Variants in EXOC4 observed in about 807,000 individuals in gnomAD.
EXOC4 encodes the protein SEC8-like 1.
A neutral mutation model predicts 107.2 loss-of-function variants in EXOC4; 71 were observed. That is an observed-to-expected ratio of 0.66 (90% CI 0.55 to 0.81). EXOC4 has a LOEUF of 0.81. EXOC4 is among the 30% of genes least tolerant of loss of function. The pLI, the probability that EXOC4 is intolerant of heterozygous loss-of-function variation, is 0.00. For missense variants in EXOC4, 1,108 were observed against 1,189.6 expected (o/e 0.93, Z 1.01); for synonymous variants, 456 against 441.2 (o/e 1.03, Z -0.42).
At chr7:133,509,374 G>A (rs1053332902) in intron 9 of EXOC4, among the ~76,000 whole-genome samples, 2 of 150,714 alleles carry the variant, frequency 1.3e-5, no homozygotes, top group African/African-American at 4.9e-5. Flanking sequence ...CTTGCAGTGA[G>A]CCGAGATCAC....
At chr7:133,792,553 C>A (rs1319113127) in intron 10 of EXOC4, among the ~76,000 whole-genome samples, 769 of 73,480 alleles carry the variant, frequency 0.01, no homozygotes, top group South Asian at 0.011. Flanking sequence ...ACCCTGTCTC[C>A]AAAAAAAAAA....
At chr7:133,750,962 C>T (rs1488348539) in intron 10 of EXOC4, among the ~76,000 whole-genome samples, 1 of 152,228 alleles carries the variant, frequency 6.6e-6, no homozygotes, top group African/African-American at 2.4e-5. Flanking sequence ...AATCACACCA[C>T]TTGGACAGAC....
chr7:133,478,601 A>G (rs572722944), intron 8 of EXOC4, among the ~76,000 whole-genome samples: 45 of 152,290 alleles, frequency 3.0e-4, no homozygotes, highest in African/African-American at 1.1e-3. Flanking sequence ...ATTCCTGAGT[A>G]CCAAAAATAC....
intron 7 of EXOC4, among the ~76,000 whole-genome samples, chr7:133,438,548 G>C (rs1289431246): frequency 6.6e-6 from 1 of 152,114 alleles, no homozygotes; most frequent in Non-Finnish European, 1.5e-5. Context: ...CGTCTGGAAT[G>C]CTTGTTAAAA....
At chr7:133,852,262 A>G (rs1585198146) in intron 11 of EXOC4, among the ~76,000 whole-genome samples, 1 of 149,026 alleles carries the variant, frequency 6.7e-6, no homozygotes, top group African/African-American at 2.5e-5. Flanking sequence ...TTGCTCTGTC[A>G]CCCAGGCTGG....
intron 11 of EXOC4, among the ~76,000 whole-genome samples, chr7:133,839,248 G>A (rs1036747776): frequency 1.3e-5 from 2 of 151,842 alleles, no homozygotes; most frequent in Admixed American, 6.6e-5. Context: ...GCCTTTCCCC[G>A]AACTCTGACT....
At chr7:133,960,992 AC>A (rs1274245641) in intron 14 of EXOC4, among the ~76,000 whole-genome samples, 3 of 152,202 alleles carry the variant, frequency 2.0e-5, no homozygotes, top group Non-Finnish European at 4.4e-5. Context: ...CCCAGAACCT[AC>A]AAAAATGTGA....
the EXOC4 span, among the ~76,000 whole-genome samples, chr7:134,092,884 T>C: frequency 6.9e-6 from 1 of 145,010 alleles, no homozygotes; most frequent in Admixed American, 7.0e-5. Flanking sequence ...GATCACGCCA[T>C]TTTACTCCAG....
At chr7:133,543,465 T>C (rs1800420550) in intron 9 of EXOC4, among the ~76,000 whole-genome samples, 1 of 152,118 alleles carries the variant, frequency 6.6e-6, no homozygotes, top group Admixed American at 6.6e-5. Flanking sequence ...CCTGGTCTCT[T>C]AATTCCATTT....
intron 10 of EXOC4, among the ~76,000 whole-genome samples, chr7:133,670,775 G>A (rs1196691500): frequency 6.6e-6 from 1 of 152,178 alleles, no homozygotes; most frequent in Non-Finnish European, 1.5e-5. Flanking sequence ...CCACCATGAT[G>A]TAATAAGTGT....
At chr7:133,860,172 G>A (rs141882021) in intron 11 of EXOC4, among the ~76,000 whole-genome samples, 1 of 152,292 alleles carries the variant, frequency 6.6e-6, no homozygotes, top group East Asian at 1.9e-4. Context: ...AAGCCTGTAG[G>A]CCAATGCCTG....
chr7:133,988,076 A>G (rs1428993854), intron 14 of EXOC4, among the ~76,000 whole-genome samples: 1 of 152,230 alleles, frequency 6.6e-6, no homozygotes, highest in Non-Finnish European at 1.5e-5. Context: ...GATGCTGGGT[A>G]CTTAATGCCA....
chr7:133,863,959 A>T (rs1261762660), intron 11 of EXOC4, among the ~76,000 whole-genome samples: 1 of 152,150 alleles, frequency 6.6e-6, no homozygotes, highest in Admixed American at 6.6e-5. Flanking sequence ...TATTAGCAGC[A>T]GTAATAGGTA....
intron 9 of EXOC4, among the ~76,000 whole-genome samples, chr7:133,586,506 C>T (rs1241620069): frequency 6.6e-6 from 1 of 152,122 alleles, no homozygotes; most frequent in African/African-American, 2.4e-5. Flanking sequence ...TCTTCTTTAT[C>T]CAGTCTACCA....
chr7:133,927,418 A>G (rs140765865), intron 13 of EXOC4, among the ~76,000 whole-genome samples: 1,830 of 152,330 alleles, frequency 0.012, 47 homozygotes, highest in African/African-American at 0.042. Flanking sequence ...AATGATTTTC[A>G]GAAAAGTTCC....
intron 11 of EXOC4, among the ~76,000 whole-genome samples, chr7:133,883,451 G>A (rs1306853145): frequency 2.0e-5 from 3 of 149,764 alleles, no homozygotes; most frequent in Non-Finnish European, 4.4e-5. Flanking sequence ...AAGCAGGCTG[G>A]GCAACATAGC....
At chr7:133,531,787 T>A (rs1252825656) in intron 9 of EXOC4, among the ~76,000 whole-genome samples, 1 of 152,122 alleles carries the variant, frequency 6.6e-6, no homozygotes, top group East Asian at 1.9e-4. Context: ...TCAAAAAATC[T>A]TCCTTTTGAA....
At chr7:133,769,593 A>G (rs1233799343) in intron 10 of EXOC4, among the ~76,000 whole-genome samples, 2 of 151,850 alleles carry the variant, frequency 1.3e-5, no homozygotes, top group Admixed American at 1.3e-4. Flanking sequence ...TTTATTAACA[A>G]TTGAAGGGAA....
At chr7:133,921,739 G>A (rs1269653915) in intron 13 of EXOC4, among the ~76,000 whole-genome samples, 1 of 151,886 alleles carries the variant, frequency 6.6e-6, no homozygotes. Flanking sequence ...TAATTGATTT[G>A]GAGTAATTTT....
Sources: allele counts gnomAD v4.1 joint callset (sites outside exome capture counted in the v4.1 genomes callset), GRCh38; gene constraint gnomAD v4.1.1; transcripts MANE v1.5; gene names NCBI Gene and HGNC (gene_info 2026-07-23, HGNC 2026-07-21).